The following ASIC2 variants were observed in gnomAD, a reference collection of about 807,000 sequenced individuals.
The protein encoded by ASIC2 is acid-sensing ion channel 2.
In ASIC2, 25 loss-of-function variants were observed where a neutral mutation model predicts 57.3. The ratio of observed to expected loss-of-function variants is 0.44; its 90% CI spans 0.32 to 0.61. The LOEUF (loss-of-function observed/expected upper bound fraction) is 0.61. Among genes scored for constraint, ASIC2 ranks in the 20% least tolerant of loss-of-function variants. ASIC2 has a pLI of 0.06. For missense variants in ASIC2, 641 were observed against 738.1 expected, an observed-to-expected ratio of 0.87 and a Z score of 1.52; for synonymous variants, 319 against 307.5, an observed-to-expected ratio of 1.04 and a Z score of -0.39.
rs17185029 is a variant in ASIC2 at position 33,418,238 on chromosome 17, G to A, written c.556-306171C>T. ...AAGGGTAGGATTCAGGAATTTATGG[G>A]TTTATGACTTAATACCACCTGTGTA... On this transcript the variant is annotated intron_variant, in intron 1 of 9. Coordinates refer to the ASIC2 transcript ENST00000359872. Among the ~76,000 whole-genome samples, 258 of 152,142 alleles carry A rather than the reference G, an allele frequency of 1.7e-3. 1 individual carries two copies. The highest frequency in any genetic ancestry group is 2.7e-3 in the Non-Finnish European group (183 of 68,006).
intron 1 of ASIC2, among the ~76,000 whole-genome samples, chr17:33,904,432 T>C (rs1915303335): frequency 6.6e-6 from 1 of 152,148 alleles, no homozygotes. Flanking sequence ...TAGAATTACC[T>C]GGGGAACTTT....
upstream of ASIC2, among the ~76,000 whole-genome samples, chr17:33,295,270 G>A (rs1179650938): frequency 6.6e-6 from 1 of 152,120 alleles, no homozygotes; most frequent in Non-Finnish European, 1.5e-5. Context: ...GGAGAGGAGG[G>A]GTATCCTGCT....
At chr17:33,371,322 A>T (rs1426030416) in intron 1 of ASIC2, among the ~76,000 whole-genome samples, 1 of 152,194 alleles carries the variant, frequency 6.6e-6, no homozygotes, top group Admixed American at 6.5e-5. Context: ...CCCTCACTCA[A>T]GATGGAGTCG....
intron 1 of ASIC2, among the ~76,000 whole-genome samples, chr17:34,148,056 A>G (rs572011549): frequency 1.1e-4 from 17 of 152,316 alleles, no homozygotes; most frequent in African/African-American, 3.4e-4. Flanking sequence ...AGAACTTTCT[A>G]TAGAGAGGAA....
intron 1 of ASIC2, among the ~76,000 whole-genome samples, chr17:33,744,785 G>C (rs1910213132): frequency 6.6e-6 from 1 of 152,144 alleles, no homozygotes; most frequent in South Asian, 2.1e-4. Context: ...CAAATAACCA[G>C]AGGAAAGCGT....
chr17:33,965,467 A>G (rs1163317676), intron 1 of ASIC2, among the ~76,000 whole-genome samples: 1 of 152,198 alleles, frequency 6.6e-6, no homozygotes, highest in East Asian at 1.9e-4. Context: ...GCATGAAAGG[A>G]TGGGTATAAT....
chr17:34,120,814 C>T (rs1911596138), intron 1 of ASIC2, among the ~76,000 whole-genome samples: 1 of 144,018 alleles, frequency 6.9e-6, no homozygotes, highest in Non-Finnish European at 1.5e-5. Flanking sequence ...TCTCGGCTCA[C>T]TGCAACCTCC....
At chr17:33,619,225 TAATG>T (rs1018230232) in intron 1 of ASIC2, among the ~76,000 whole-genome samples, 3 of 152,198 alleles carry the variant, frequency 2.0e-5, no homozygotes, top group African/African-American at 7.2e-5. Flanking sequence ...ATTTAAATAA[TAATG>T]GGTGCTTTGG....
chr17:33,527,969 T>G (rs1034353199), intron 1 of ASIC2, among the ~76,000 whole-genome samples: 1 of 152,166 alleles, frequency 6.6e-6, no homozygotes, highest in African/African-American at 2.4e-5. Flanking sequence ...AAGATGGAAC[T>G]TCATGGAGGC....
intron 1 of ASIC2, among the ~76,000 whole-genome samples, chr17:33,988,483 C>T (rs1905900915): frequency 2.0e-5 from 3 of 152,182 alleles, no homozygotes; most frequent in Non-Finnish European, 2.9e-5. Context: ...GAGGTCTCCT[C>T]GGCCATGTGG....
intron 2 of ASIC2, 146 bp from the exon 3 acceptor site, chr17:33,089,136 A>G: frequency 8.9e-7 from 1 of 1,119,154 alleles, no homozygotes; most frequent in South Asian, 1.7e-5. Context: ...CCCCACCTCC[A>G]GAAACTGTGA....
At chr17:34,011,205 A>G (rs1906743591) in intron 1 of ASIC2, among the ~76,000 whole-genome samples, 1 of 151,024 alleles carries the variant, frequency 6.6e-6, no homozygotes, top group African/African-American at 2.4e-5. Context: ...ACATAGACAT[A>G]TACAGACACA....
intron 1 of ASIC2, among the ~76,000 whole-genome samples, chr17:34,109,070 T>C (rs1911173877): frequency 6.6e-6 from 1 of 151,470 alleles, no homozygotes; most frequent in Non-Finnish European, 1.5e-5. Flanking sequence ...ATTTTATTAT[T>C]ATTATACTTT....
At chr17:33,755,850 C>T (rs1910587834) in intron 1 of ASIC2, among the ~76,000 whole-genome samples, 1 of 152,196 alleles carries the variant, frequency 6.6e-6, no homozygotes, top group Non-Finnish European at 1.5e-5. Flanking sequence ...GATGTTGCAG[C>T]AGCTGAGCCT....
chr17:34,106,987 A>G (rs1911085656), intron 1 of ASIC2, among the ~76,000 whole-genome samples: 1 of 152,216 alleles, frequency 6.6e-6, no homozygotes, highest in South Asian at 2.1e-4. Context: ...ATGTACATGC[A>G]TATTTACATA....
intron 3 of ASIC2, among the ~76,000 whole-genome samples, chr17:33,083,378 A>G (rs2092121105): frequency 6.6e-6 from 1 of 152,214 alleles, no homozygotes; most frequent in Admixed American, 6.5e-5. Context: ...GAAGTGTGAC[A>G]AAAAATGCCA....
chr17:33,155,276 C>T (rs1904954332), intron 1 of ASIC2, among the ~76,000 whole-genome samples: 1 of 152,260 alleles, frequency 6.6e-6, no homozygotes, highest in Non-Finnish European at 1.5e-5. Context: ...GATTCAAGCG[C>T]CGGGTGGGCG....
At chr17:33,601,567 C>T (rs753798852) in intron 1 of ASIC2, among the ~76,000 whole-genome samples, 6 of 152,138 alleles carry the variant, frequency 3.9e-5, no homozygotes, top group Non-Finnish European at 7.3e-5. Flanking sequence ...GTGGCCTCTA[C>T]TTAGATTTCA....
intron 1 of ASIC2, among the ~76,000 whole-genome samples, chr17:33,491,624 C>T (rs1370745916): frequency 6.6e-6 from 1 of 152,122 alleles, no homozygotes; most frequent in Non-Finnish European, 1.5e-5. Context: ...TCATTTGGAC[C>T]CTGGAAGAAG....
Sources: allele counts gnomAD v4.1 joint callset (sites outside exome capture counted in the v4.1 genomes callset), GRCh38; gene constraint gnomAD v4.1.1; transcripts MANE v1.5; gene names NCBI Gene and HGNC (gene_info 2026-07-23, HGNC 2026-07-21).